Variants in WDFY4 observed in about 807,000 individuals in gnomAD.
The protein encoded by WDFY4 is WDFY family member 4, also known as WD repeat- and FYVE domain-containing protein 4.
Under a neutral mutation model 351.9 loss-of-function variants are expected in WDFY4, and 169 were observed. The ratio of observed to expected loss-of-function variants is 0.48; its 90% CI spans 0.42 to 0.55. The LOEUF (loss-of-function observed/expected upper bound fraction) is 0.55. Among genes scored for constraint, WDFY4 ranks in the 20% least tolerant of loss-of-function variants. The probability of loss-of-function intolerance (pLI) is 0.00; values close to 1 mark genes in which losing one functional copy is unlikely to be tolerated. For synonymous variants in WDFY4, 1,622 were observed against 1,574.6 expected, an observed-to-expected ratio of 1.03 and a Z score of -0.71; for missense variants, 3,803 against 3,935.6, an observed-to-expected ratio of 0.97 and a Z score of 0.90.
chr10:48,721,337 G>T lies in WDFY4; in HGVS notation c.426G>T (p.Lys142Asn), dbSNP rs2132276274. 5 of 1,551,696 alleles carry T rather than the reference G, an allele frequency of 3.2e-6. No homozygotes were observed. Among genetic ancestry groups the T allele is most frequent in the South Asian group, 1.2e-5 (1 of 84,062 alleles). The change falls in exon 4 of 62, where the codon AAG becomes AAT. Residue 142 changes from lysine (K) to asparagine (N), a missense_variant. Physicochemically the swap from Lys to Asn is moderately conservative, Grantham distance 94. Around this residue, in one of 3 missense-constraint regions of WDFY4, gnomAD observed 488 missense variants for 456.8 expected, o/e 1.07. Coordinates refer to ENST00000325239, the MANE Select transcript of WDFY4 (RefSeq NM_001394531.1). ...DVDQDGYLLLKSVYVLTGTDS... is the reference protein window; with the variant it reads ...DVDQDGYLLLNSVYVLTGTDS... The stretch of plus-strand genomic sequence containing the variant: ...ATCAGGATGGCTACTTGCTCCTGAA[G>T]TCAGTGTACGTGCTCACGGGGACAG...
At chr10:48,914,093 G>A in intron 47 of WDFY4, 1 of 1,614,212 alleles carries the variant, frequency 6.2e-7, no homozygotes, top group Non-Finnish European at 8.5e-7. Flanking sequence ...TGATTTTGAT[G>A]CAATTCCTGG....
intron 50 of WDFY4, 61 bp from the exon 51 acceptor site, chr10:48,946,799 A>T: frequency 1.6e-6 from 2 of 1,247,186 alleles, no homozygotes; most frequent in Non-Finnish European, 2.3e-6. Context: ...TGTAGCACAC[A>T]TATCTGCCAC....
chr10:48,777,240 C>T (rs952099143), intron 16 of WDFY4, among the ~76,000 whole-genome samples, 179 bp from the exon 17 acceptor site: 2 of 152,220 alleles, frequency 1.3e-5, no homozygotes, highest in African/African-American at 4.8e-5. Context: ...CAGTGCAATT[C>T]CTTCCCTTAG....
At chr10:48,901,208 C>T (rs971554673) in intron 46 of WDFY4, among the ~76,000 whole-genome samples, 3 of 152,244 alleles carry the variant, frequency 2.0e-5, no homozygotes, top group South Asian at 2.1e-4. Context: ...CCTGCTCATG[C>T]GGTTCTTCCA....
chr10:48,726,137 G>C, intron 6 of WDFY4, 67 bp downstream of exon 6: 1 of 1,475,476 alleles, frequency 6.8e-7, no homozygotes, highest in Non-Finnish European at 9.1e-7. Context: ...TCAGAGCAAA[G>C]GCTGAGGGCC....
intron 43 of WDFY4, among the ~76,000 whole-genome samples, chr10:48,890,107 G>A (rs1385690072): frequency 2.6e-5 from 4 of 152,250 alleles, no homozygotes; most frequent in Non-Finnish European, 5.9e-5. Flanking sequence ...AGAGATGGCA[G>A]TACCTGTCTT....
chr10:48,731,358 C>T lies in WDFY4; in HGVS notation c.1378C>T (p.His460Tyr), dbSNP rs1349312894. 1.9e-6 allele frequency: 3 copies of T among 1,551,800 alleles called. No individual in the cohort carries two copies. The highest frequency in any genetic ancestry group is 1.2e-5 in the South Asian group (1 of 84,062). The change falls in exon 9 of 62, where the codon CAC (histidine) becomes TAC (tyrosine). Residue 460 changes from histidine to tyrosine, a missense_variant. Physicochemically the swap from His to Tyr is moderately conservative, Grantham distance 83 (BLOSUM62 2). Coordinates refer to ENST00000325239, the MANE Select transcript of WDFY4 (RefSeq NM_001394531.1). Reference protein sequence around the residue: ...QLLEALVFELHYVPHEILRKV... With the variant: ...QLLEALVFELYYVPHEILRKV... Reference sequence around the variant, plus strand: ...TCTAGAGGCCCTGGTGTTCGAGCTGCACTACGTGCCTCATGAGATCCTGCG... The same window carrying T: ...TCTAGAGGCCCTGGTGTTCGAGCTGTACTACGTGCCTCATGAGATCCTGCG...
intron 2 of WDFY4, among the ~76,000 whole-genome samples, chr10:48,713,057 G>A (rs1352659482): frequency 6.6e-6 from 1 of 152,194 alleles, no homozygotes; most frequent in Non-Finnish European, 1.5e-5. Flanking sequence ...CCAAAGCAAT[G>A]CACACAAGGG....
intron 43 of WDFY4, among the ~76,000 whole-genome samples, chr10:48,881,046 T>A (rs1483133460): frequency 6.6e-6 from 1 of 152,244 alleles, no homozygotes; most frequent in Non-Finnish European, 1.5e-5. Context: ...ATCTTTAGAA[T>A]GGGGTTCTAC....
At chr10:48,918,628 G>T (rs527274808) in intron 47 of WDFY4, among the ~76,000 whole-genome samples, 1 of 152,326 alleles carries the variant, frequency 6.6e-6, no homozygotes, top group East Asian at 1.9e-4. Flanking sequence ...TAGAATTGGA[G>T]ACATCAATAC....
rs978411758 is a variant in WDFY4 at position 48,748,179 on chromosome 10, G to A, written c.2459+4631G>A. Among the ~76,000 whole-genome samples, 8 of 152,204 alleles carry A rather than the reference G, an allele frequency of 5.3e-5. No individual in the cohort carries two copies. The East Asian group carries it at 1.5e-3, about 29-fold the overall frequency. On this transcript the variant is annotated intron_variant, in intron 12 of 61. Coordinates refer to ENST00000325239, the MANE Select transcript of WDFY4 (RefSeq NM_001394531.1). ...TGACTTATTCTGCCAGCTCTCAGGG[G>A]CAGGGGAGTATTTGTCAGTATGAAA...
chr10:48,842,632 C>T (rs1464963244), intron 39 of WDFY4, among the ~76,000 whole-genome samples: 6 of 152,204 alleles, frequency 3.9e-5, no homozygotes, highest in African/African-American at 1.4e-4. Context: ...TCCTAATGTG[C>T]AGCAAGCTCC....
At chr10:48,830,571 G>C (rs1279617067) in intron 37 of WDFY4, 129 bp from the exon 38 acceptor site, 2 of 1,036,408 alleles carry the variant, frequency 1.9e-6, no homozygotes, top group Non-Finnish European at 2.8e-6. Flanking sequence ...AGCTTGCAAA[G>C]CTGGGGTGAT....
intron 53 of WDFY4, among the ~76,000 whole-genome samples, chr10:48,963,423 C>T (rs1254534551): frequency 6.6e-6 from 1 of 152,256 alleles, no homozygotes; most frequent in African/African-American, 2.4e-5. Context: ...CTCCTGATCA[C>T]TGCACTTAGC....
chr10:48,835,283 AG>A (rs1198936401), intron 39 of WDFY4, among the ~76,000 whole-genome samples: 1 of 152,112 alleles, frequency 6.6e-6, no homozygotes, highest in East Asian at 1.9e-4. Context: ...GGGGCGAGAG[AG>A]GGGCTGGGCT....
intron 39 of WDFY4, among the ~76,000 whole-genome samples, chr10:48,845,007 G>A (rs933235136): frequency 6.6e-5 from 10 of 152,150 alleles, no homozygotes; most frequent in Admixed American, 1.3e-4. Context: ...ATGAAGGAGC[G>A]GCCCTCCAAC....
At chr10:48,713,639 G>A (rs1216601239) in intron 2 of WDFY4, among the ~76,000 whole-genome samples, 1 of 152,174 alleles carries the variant, frequency 6.6e-6, no homozygotes, top group Non-Finnish European at 1.5e-5. Flanking sequence ...CTTCCCTGAG[G>A]GGAGGAGTGA....
At chr10:48,703,414 A>C (rs1232281811) in intron 1 of WDFY4, among the ~76,000 whole-genome samples, 2 of 152,346 alleles carry the variant, frequency 1.3e-5, no homozygotes, top group African/African-American at 2.4e-5. Flanking sequence ...GATGGCAAAC[A>C]GGCAGTTTCT....
intron 24 of WDFY4, among the ~76,000 whole-genome samples, chr10:48,801,818 T>A (rs1400714631): frequency 6.6e-6 from 1 of 152,182 alleles, no homozygotes; most frequent in Non-Finnish European, 1.5e-5. Context: ...GATAAACTTG[T>A]GTTCACTGGG....
Sources: gnomAD v4.1 joint callset for allele counts (sites outside exome capture counted in the v4.1 genomes callset) on GRCh38, gnomAD v4.1.1 for gene constraint, gnomAD v4.1.1 regional missense constraint, MANE v1.5 for transcripts, NCBI Gene and HGNC (gene_info 2026-07-23, HGNC 2026-07-21) for gene names.